The following BBS9 variants were observed in gnomAD, a reference collection of about 807,000 sequenced individuals.
The protein encoded by BBS9 is protein PTHB1.
Under a neutral mutation model 117.7 loss-of-function variants are expected in BBS9, and 89 were observed. That is an observed-to-expected ratio of 0.76 (90% CI 0.64 to 0.90). The LOEUF (loss-of-function observed/expected upper bound fraction) is 0.90. Ranked by LOEUF, BBS9 falls within the 40% of genes least tolerant of loss-of-function variation. The pLI, the probability that BBS9 is intolerant of heterozygous loss-of-function variation, is 0.00. For missense variants in BBS9, 982 were observed against 1,042.2 expected, an observed-to-expected ratio of 0.94 and a Z score of 0.80; for synonymous variants, 379 against 370.9, an observed-to-expected ratio of 1.02 and a Z score of -0.25.
chr7:33,246,509 A>C (rs985819263), intron 5 of BBS9, among the ~76,000 whole-genome samples: 2 of 151,764 alleles, frequency 1.3e-5, no homozygotes, highest in African/African-American at 2.4e-5. Flanking sequence ...AAAGTATTTA[A>C]TTTTTTTTGT....
intron 19 of BBS9, among the ~76,000 whole-genome samples, chr7:33,420,413 C>A (rs1388427401): frequency 1.3e-5 from 2 of 152,102 alleles, no homozygotes; most frequent in Admixed American, 6.6e-5. Context: ...CCAAACAAGA[C>A]CCTGACTATT....
chr7:33,607,278 G>A (rs1418583393), downstream of BBS9, among the ~76,000 whole-genome samples: 1 of 152,074 alleles, frequency 6.6e-6, no homozygotes, highest in African/African-American at 2.4e-5. Context: ...TCCTAATTTA[G>A]TATTTCAGTT....
At chr7:33,341,266 A>G (rs1816489554) in intron 11 of BBS9, among the ~76,000 whole-genome samples, 1 of 152,142 alleles carries the variant, frequency 6.6e-6, no homozygotes, top group South Asian at 2.1e-4. Context: ...TTTTTTTTCA[A>G]ACTTTCTTAG....
rs149485457 is a variant in BBS9, at chr7:33,414,889, C to T, written c.2115+26745C>T. ...CTTCAGAGAGATGATATCAGTTTAC[C>T]GTCGACTATTTGGAAAAATTATAAT... On this transcript the variant is annotated intron_variant, in intron 19 of 22. Transcript: ENST00000242067. 2.2e-3 allele frequency among the ~76,000 whole-genome samples: 336 copies of T among 152,116 alleles called. 1 individual carries two copies. The highest frequency in any genetic ancestry group is 7.5e-3 in the African/African-American group (313 of 41,484).
intron 5 of BBS9, among the ~76,000 whole-genome samples, chr7:33,239,181 ATCT>A (rs774406826): frequency 2.0e-5 from 3 of 152,104 alleles, no homozygotes; most frequent in Non-Finnish European, 2.9e-5. Context: ...CAAAAGTGAC[ATCT>A]TCTTATATTT....
At chr7:33,358,470 TAC>T in intron 16 of BBS9, among the ~76,000 whole-genome samples, 3 of 152,044 alleles carry the variant, frequency 2.0e-5, no homozygotes, top group East Asian at 3.9e-4. Flanking sequence ...TTCTGCTGTC[TAC>T]AGCAGCTAGA....
chr7:33,331,757 A>G (rs1368072121), intron 9 of BBS9, among the ~76,000 whole-genome samples: 1 of 152,026 alleles, frequency 6.6e-6, no homozygotes, highest in Admixed American at 6.6e-5. Flanking sequence ...GAGGTGAAAG[A>G]GCTCTATAAG....
At chr7:33,405,510 C>T (rs1396196219) in intron 19 of BBS9, among the ~76,000 whole-genome samples, 3 of 152,118 alleles carry the variant, frequency 2.0e-5, no homozygotes, top group Admixed American at 1.3e-4. Flanking sequence ...TGATTATTGC[C>T]ACAATTTCAG....
At chr7:33,242,648 A>G (rs1794726980) in intron 5 of BBS9, among the ~76,000 whole-genome samples, 1 of 152,020 alleles carries the variant, frequency 6.6e-6, no homozygotes, top group South Asian at 2.1e-4. Flanking sequence ...CTCCTCCTCT[A>G]CTTGTCCCCT....
intron 9 of BBS9, among the ~76,000 whole-genome samples, chr7:33,287,015 T>C (rs1263084121): frequency 6.6e-6 from 1 of 152,186 alleles, no homozygotes; most frequent in African/African-American, 2.4e-5. Context: ...AACTTTGGGC[T>C]TCAGAACTTT....
chr7:33,280,750 T>A (rs995638077), intron 9 of BBS9, among the ~76,000 whole-genome samples: 1 of 152,164 alleles, frequency 6.6e-6, no homozygotes, highest in African/African-American at 2.4e-5. Context: ...AAAGACCTTA[T>A]AAGATCTCTT....
intron 12 of BBS9, among the ~76,000 whole-genome samples, chr7:33,345,648 A>G (rs1264135387): frequency 6.6e-6 from 1 of 152,202 alleles, no homozygotes; most frequent in Non-Finnish European, 1.5e-5. Context: ...GTCCAATCAA[A>G]GGCTCTATCT....
intron 21 of BBS9, among the ~76,000 whole-genome samples, chr7:33,615,950 A>G (rs958586085): frequency 6.6e-6 from 1 of 152,094 alleles, no homozygotes; most frequent in Non-Finnish European, 1.5e-5. Context: ...ACCCTGCAAA[A>G]TGATCCTTCA....
intron 21 of BBS9, among the ~76,000 whole-genome samples, chr7:33,595,391 CT>C (rs1862576316): frequency 1.3e-5 from 2 of 152,082 alleles, no homozygotes; most frequent in South Asian, 4.2e-4. Flanking sequence ...CAGACAGACA[CT>C]TCTCAAAAGA....
At chr7:33,206,469 G>C (rs1434010093) in intron 5 of BBS9, among the ~76,000 whole-genome samples, 1 of 152,002 alleles carries the variant, frequency 6.6e-6, no homozygotes, top group African/African-American at 2.4e-5. Context: ...TTAAAAATAA[G>C]ACGTAACTTT....
At chr7:33,419,297 A>G (rs939583702) in intron 19 of BBS9, among the ~76,000 whole-genome samples, 6 of 152,234 alleles carry the variant, frequency 3.9e-5, no homozygotes, top group African/African-American at 1.4e-4. Context: ...AAAATTGTAT[A>G]TCAATAATGA....
In BBS9 at chr7:33,516,486, C is replaced by CAAA. The variant is rs1563288091; in HGVS notation, c.2298+10841_2298+10842insAAA. 3.3e-4 allele frequency among the ~76,000 whole-genome samples: 18 copies of CAAA among 54,108 alleles called. No individual in the cohort carries two copies. In the East Asian group the frequency reaches 0.021, roughly 62 times the overall value. 35.5% of individuals were successfully genotyped at this position (54,108 alleles called of 152,430 possible). ...CCTGGGCAGCAGAGCAATTTCATCT[C>CAAA]CAAAAAAAAAAAAAAAAAAAAAAAA... is the stretch of plus-strand genomic sequence containing the variant. On this transcript the variant is annotated intron_variant, in intron 20 of 22. Coordinates refer to ENST00000242067, the MANE Select transcript of BBS9 (RefSeq NM_198428.3).
At chr7:33,293,960 A>C (rs897065437) in intron 9 of BBS9, among the ~76,000 whole-genome samples, 2 of 152,130 alleles carry the variant, frequency 1.3e-5, no homozygotes, top group Middle Eastern at 6.3e-3. Flanking sequence ...TTCATTTCTC[A>C]GTGGAGCACA....
At chr7:33,360,524 CTTT>C (rs5883399) in intron 16 of BBS9, among the ~76,000 whole-genome samples, 1 of 142,000 alleles carries the variant, frequency 7.0e-6, no homozygotes. Context: ...CAATAAATAC[CTTT>C]TTTTTTTTTT....
Sources: gnomAD v4.1 joint callset for allele counts (sites outside exome capture counted in the v4.1 genomes callset) on GRCh38, gnomAD v4.1.1 for gene constraint, MANE v1.5 for transcripts, NCBI Gene and HGNC (gene_info 2026-07-23, HGNC 2026-07-21) for gene names.